PLA2G4A: variants seen among roughly 807,000 people sequenced by gnomAD.
PLA2G4A encodes phospholipase A2 group IVA.
Under a neutral mutation model 81.9 loss-of-function variants are expected in PLA2G4A, and 40 were observed. The observed-to-expected ratio is 0.49, with a 90% CI of 0.38 to 0.64. The LOEUF is 0.64. PLA2G4A is among the 30% of genes least tolerant of loss of function. The pLI, the probability that PLA2G4A is intolerant of heterozygous loss-of-function variation, is 0.00. For missense variants in PLA2G4A, 715 were observed against 905.1 expected, an observed-to-expected ratio of 0.79 and a Z score of 2.69; for synonymous variants, 302 against 296.9, an observed-to-expected ratio of 1.02 and a Z score of -0.18.
Position 186,857,172 on chromosome 1 carries a change from T to TAATAC in PLA2G4A, c.33+2786_33+2787insATACA, listed in dbSNP as rs1652602615. 8.2e-5 allele frequency among the ~76,000 whole-genome samples: 5 copies of TAATAC among 60,662 alleles called. No homozygotes were observed. The East Asian group carries it at 1.3e-3, about 15-fold the overall frequency. The allele number at this position is 60,662 out of a possible 152,430, so 39.8% of individuals were successfully genotyped here. A position where few individuals can be genotyped will look rare whatever the true frequency, so the allele number is the denominator to read the frequency against. ...ATAATTACATAATATAATATAATTA[T>TAATAC]ATAATATGTCTGCCATGTTAAAAGA... On this transcript the variant is annotated intron_variant, in intron 2 of 17. Coordinates refer to ENST00000367466, the MANE Select transcript of PLA2G4A (RefSeq NM_024420.3).
intron 5 of PLA2G4A, among the ~76,000 whole-genome samples, chr1:186,899,138 T>C (rs1026796302): frequency 2.6e-5 from 4 of 152,090 alleles, no homozygotes; most frequent in Non-Finnish European, 4.4e-5. Context: ...AATGGGGCAG[T>C]GTGTATATGT....
intron 10 of PLA2G4A, among the ~76,000 whole-genome samples, chr1:186,940,461 A>G (rs1283726133): frequency 1.3e-5 from 2 of 152,300 alleles, no homozygotes; most frequent in African/African-American, 2.4e-5. Flanking sequence ...ATTGGGTAAT[A>G]TGATCTACAG....
At chr1:186,868,363 C>G (rs115798737) in intron 2 of PLA2G4A, among the ~76,000 whole-genome samples, 2,568 of 152,240 alleles carry the variant, frequency 0.017, 29 homozygotes, top group Middle Eastern at 0.027. Flanking sequence ...CAGGCGTGAG[C>G]CATTGGGCCC....
intron 2 of PLA2G4A, among the ~76,000 whole-genome samples, chr1:186,861,355 G>A (rs1427291071): frequency 3.3e-5 from 5 of 152,112 alleles, no homozygotes; most frequent in East Asian, 1.9e-4. Context: ...CTCCTCTTCC[G>A]GATCAGCAAA....
chr1:186,906,889 T>A, intron 5 of PLA2G4A, 76 bp from the exon 6 acceptor site: 2 of 774,848 alleles, frequency 2.6e-6, no homozygotes, highest in Non-Finnish European at 4.5e-6. Context: ...CACTCAAAAT[T>A]TATTTTGAGT....
At chr1:186,867,058 T>C (rs1021006960) in intron 2 of PLA2G4A, among the ~76,000 whole-genome samples, 5 of 152,168 alleles carry the variant, frequency 3.3e-5, no homozygotes, top group African/African-American at 1.2e-4. Context: ...GTTTATTTTT[T>C]TGTTTGTATT....
At chr1:186,857,606 T>C (rs1342820639) in intron 2 of PLA2G4A, among the ~76,000 whole-genome samples, 1 of 146,864 alleles carries the variant, frequency 6.8e-6, no homozygotes, top group Non-Finnish European at 1.5e-5. Context: ...ATTTAGTTTT[T>C]ACATTTTTTA....
At chr1:186,855,933 G>A (rs945119398) in intron 2 of PLA2G4A, among the ~76,000 whole-genome samples, 1 of 151,904 alleles carries the variant, frequency 6.6e-6, no homozygotes, top group Non-Finnish European at 1.5e-5. Context: ...AATTTCTGTA[G>A]CTTTAAAATA....
Position 186,894,124 on chromosome 1 carries a change from C to G in PLA2G4A, c.291C>G (p.Val97=). 6.9e-7 allele frequency: 1 copy of G among 1,449,702 alleles called. No homozygotes were observed. Among genetic ancestry groups the G allele is most frequent in the African/African-American group, 1.4e-5 (1 of 71,828 alleles). The allele number at this position is 1,449,702 out of a possible 1,614,324, so 89.8% of individuals were successfully genotyped here. ...TTACGTTAATGGATGCCAATTATGTCATGGATGAAACTCTAGGGACAGCAA... is the reference window on the plus strand; with the variant it reads ...TTACGTTAATGGATGCCAATTATGTGATGGATGAAACTCTAGGGACAGCAA... The part of the protein sequence containing the change: ...LEITLMDANY[V]MDETLGTATF... Residue 97 remains valine (V), a synonymous_variant, in exon 5 of 18, where the codon GTC becomes GTG. Transcript: ENST00000367466.
intron 3 of PLA2G4A, among the ~76,000 whole-genome samples, chr1:186,889,991 G>A (rs1654077679): frequency 6.6e-6 from 1 of 152,168 alleles, no homozygotes; most frequent in Admixed American, 6.6e-5. Context: ...ATATTGGACA[G>A]AATGCTTAAT....
In PLA2G4A at chr1:186,953,343, C is replaced by T. The variant is rs150661380; in HGVS notation, c.1336+2615C>T. On this transcript the variant is annotated intron_variant, in intron 13 of 17. Transcript: ENST00000367466. ...TTAACTTGAAGCATCTTCTCATATGCTTATCTGCTATCTGTATATCGTTTT... is the reference window on the plus strand; with the variant it reads ...TTAACTTGAAGCATCTTCTCATATGTTTATCTGCTATCTGTATATCGTTTT... Among the ~76,000 whole-genome samples, 787 of 152,278 alleles carry T rather than the reference C, an allele frequency of 5.2e-3. 15 individuals carry two copies. The highest frequency in any genetic ancestry group is 0.041 in the Admixed American group (620 of 15,294).
chr1:186,838,960 T>G (rs562365317), intron 1 of PLA2G4A, among the ~76,000 whole-genome samples: 1 of 152,342 alleles, frequency 6.6e-6, no homozygotes, highest in Non-Finnish European at 1.5e-5. Flanking sequence ...CCTTTTCTTT[T>G]CCAATTCTTA....
At chr1:186,950,137 G>A (rs1402872521) in intron 12 of PLA2G4A, among the ~76,000 whole-genome samples, 1 of 152,174 alleles carries the variant, frequency 6.6e-6, no homozygotes, top group Non-Finnish European at 1.5e-5. Context: ...AATATGTTCT[G>A]CAGGAAGCAC....
intron 7 of PLA2G4A, among the ~76,000 whole-genome samples, chr1:186,931,633 TTCCTTACAACTACTATATCTTA>T (rs1170014557): frequency 6.6e-6 from 1 of 151,966 alleles, no homozygotes; most frequent in Non-Finnish European, 1.5e-5. Context: ...CTTATCTGGC[TTCCTTACAACTACTATATCTTA>T]TGACTATACA....
intron 7 of PLA2G4A, 70 bp from the exon 8 acceptor site, chr1:186,932,693 T>A: frequency 6.9e-7 from 1 of 1,439,512 alleles, no homozygotes; most frequent in Admixed American, 1.7e-5. Flanking sequence ...AACATAAAGA[T>A]TGAGACTAAA....
intron 3 of PLA2G4A, among the ~76,000 whole-genome samples, chr1:186,876,414 T>C (rs1485629139): frequency 1.3e-5 from 2 of 152,092 alleles, no homozygotes; most frequent in African/African-American, 2.4e-5. Context: ...TCTCCCCTTA[T>C]ATGATTTTTC....
At chr1:186,893,318 A>G (rs1368591939) in intron 4 of PLA2G4A, among the ~76,000 whole-genome samples, 159 bp downstream of exon 4, 17 of 152,176 alleles carry the variant, frequency 1.1e-4, no homozygotes, top group Non-Finnish European at 1.5e-5. Flanking sequence ...GTCAAGTAAT[A>G]TGAGTGTCTA....
Position 186,965,500 on chromosome 1 carries a change from G to C in PLA2G4A, c.1671G>C (p.Pro557=). The change falls in exon 15 of 18, where the codon CCG becomes CCC. Residue 557 remains proline, a synonymous_variant. Coordinates refer to ENST00000367466, the MANE Select transcript of PLA2G4A (RefSeq NM_024420.3). ...VVDSGLTFNL[P]YPLILRPQRG... is the part of the protein sequence containing the mutation. ...ACAGTGGGCTCACATTTAACCTGCCGTATCCCTTGATACTGAGACCTCAGA... is the reference window on the plus strand; with the variant it reads ...ACAGTGGGCTCACATTTAACCTGCCCTATCCCTTGATACTGAGACCTCAGA... 2.5e-6 allele frequency: 4 copies of C among 1,611,258 alleles called. No individual in the cohort carries two copies. Among genetic ancestry groups the C allele is most frequent in the Middle Eastern group, 3.3e-4 (2 of 6,060 alleles).
intron 2 of PLA2G4A, 102 bp from the exon 3 acceptor site, chr1:186,870,332 CA>C (rs1653211557): frequency 5.5e-6 from 4 of 733,484 alleles, no homozygotes; most frequent in Non-Finnish European, 7.5e-6. Flanking sequence ...TTCTGGTATG[CA>C]TGCTACTTGT....
Sources: gnomAD v4.1 joint callset for allele counts (sites outside exome capture counted in the v4.1 genomes callset) on GRCh38, gnomAD v4.1.1 for gene constraint, MANE v1.5 for transcripts, NCBI Gene and HGNC (gene_info 2026-07-23, HGNC 2026-07-21) for gene names.